The following DNAH7 variants were observed in gnomAD, a reference collection of about 807,000 sequenced individuals.
The protein encoded by DNAH7 is dynein axonemal heavy chain 7.
In DNAH7, 397 loss-of-function variants were observed where a neutral mutation model predicts 444.6. The observed-to-expected ratio is 0.89, with a 90% CI of 0.82 to 0.97. The LOEUF (loss-of-function observed/expected upper bound fraction) is 0.97, where lower values mean the gene tolerates loss of function less well. Among genes scored for constraint, DNAH7 ranks in the 50% least tolerant of loss-of-function variants. DNAH7 has a pLI of 0.00. For missense variants in DNAH7, 4,902 were observed against 4,800.8 expected, an observed-to-expected ratio of 1.02 and a Z score of -0.62; for synonymous variants, 1,636 against 1,624.4, an observed-to-expected ratio of 1.01 and a Z score of -0.17.
chr2:195,877,377 G>C (rs2125152724), intron 36 of DNAH7, among the ~76,000 whole-genome samples: 1 of 152,250 alleles, frequency 6.6e-6, no homozygotes, highest in South Asian at 2.1e-4. Context: ...TCTATCACAT[G>C]CACATATGAA....
Position 195,816,860 on chromosome 2 carries a change from C to T in DNAH7, c.9529G>A (p.Ala3177Thr). The T allele has an allele frequency of 3.7e-6, 6 of 1,614,050 alleles. No homozygotes were observed. Among genetic ancestry groups the T allele is most frequent in the Non-Finnish European group, 4.2e-6 (5 of 1,179,986 alleles). The part of the protein sequence containing the change: ...TAIKILSSSK[A>T]LANEISQKQE... ...TTCTGAGAAATCTCATTAGCCAAGG[C>T]CTTGGAGGAAGATAATATCTTAATA... Residue 3177 changes from alanine to threonine, a missense_variant, in exon 51 of 65, where the codon GCC (alanine) becomes ACC (threonine). By Grantham distance (58) the Ala-to-Thr change is moderately conservative. Coordinates refer to ENST00000312428, the MANE Select transcript of DNAH7 (RefSeq NM_018897.3).
intron 12 of DNAH7, among the ~76,000 whole-genome samples, chr2:195,989,007 G>A (rs1375985216): frequency 6.6e-6 from 1 of 152,142 alleles, no homozygotes; most frequent in Non-Finnish European, 1.5e-5. Flanking sequence ...AATTGCAAAT[G>A]ACAGGACTTC....
Position 195,957,549 on chromosome 2 carries a change from G to T in DNAH7, c.2892-102C>A, listed in dbSNP as rs190765840. ...CTAGGTTGTCAATGTTGTATATAAT[G>T]TTATACAATTGTTATACATTATATA... On this transcript the variant is annotated intron_variant, in intron 18 of 64. Transcript: ENST00000312428. 2.5e-5 allele frequency: 19 copies of T among 750,610 alleles called. No individual in the cohort carries two copies. The African/African-American group carries it at 3.8e-4, about 15-fold the overall frequency. 46.5% of individuals were successfully genotyped at this position (750,610 alleles called of 1,614,324 possible).
chr2:195,988,308 C>A, intron 12 of DNAH7, 79 bp from the exon 13 acceptor site: 1 of 1,233,134 alleles, frequency 8.1e-7, no homozygotes. Flanking sequence ...AAACGCCAAT[C>A]TTACAATGTT....
At position 195,990,775 on chromosome 2, in the gene DNAH7, T is replaced by TTGTGTGTGTGTGTGTGTG. The variant is rs140976714; in HGVS notation, c.1354-2564_1354-2547dup. On this transcript the variant is annotated intron_variant, in intron 12 of 64. Transcript: ENST00000312428. ...TGATGTTTAGGTTACTATAGCTTTG[T>TTGTGTGTGTGTGTGTGTG]TGTGTGTGTGTGTGTGTGTGTGTGT... 2.0e-4 allele frequency among the ~76,000 whole-genome samples: 26 copies of TTGTGTGTGTGTGTGTGTG among 132,948 alleles called. 1 individual carries two copies. The highest frequency in any genetic ancestry group is 7.2e-4 in the African/African-American group (25 of 34,704). 87.2% of individuals were successfully genotyped at this position (132,948 alleles called of 152,430 possible). A position where few individuals can be genotyped will look rare whatever the true frequency, so the allele number is the denominator to read the frequency against.
intron 1 of DNAH7, among the ~76,000 whole-genome samples, chr2:196,062,777 T>C (rs1230797392): frequency 1.3e-5 from 2 of 152,260 alleles, no homozygotes; most frequent in Non-Finnish European, 2.9e-5. Flanking sequence ...CCTCCCTTTA[T>C]GCTACAGAAC....
chr2:195,892,151 A>G (rs1702049016), intron 30 of DNAH7, among the ~76,000 whole-genome samples: 1 of 152,222 alleles, frequency 6.6e-6, no homozygotes, highest in African/African-American at 2.4e-5. Flanking sequence ...GGTAAATATT[A>G]TATAGGCTTT....
Position 195,744,268 on chromosome 2 carries a change from A to G in DNAH7, c.11765-3399T>C, listed in dbSNP as rs375139701. 8.5e-5 allele frequency among the ~76,000 whole-genome samples: 13 copies of G among 152,192 alleles called. No homozygotes were observed. The South Asian group carries it at 1.5e-3, about 17-fold the overall frequency. ...ACGGAGTCTCGCTGATTGCTAGCAC[A>G]GCAGTCTGAGATCAAACTGCAAGGC... On this transcript the variant is annotated intron_variant, in intron 63 of 64. Transcript: ENST00000312428.
At chr2:195,909,611 T>G (rs967194998) in intron 25 of DNAH7, among the ~76,000 whole-genome samples, 2 of 152,160 alleles carry the variant, frequency 1.3e-5, no homozygotes, top group Admixed American at 6.5e-5. Flanking sequence ...AAACTTAAGA[T>G]TTCAAGTTCA....
At chr2:195,783,578 G>A (rs1167911109) in intron 58 of DNAH7, among the ~76,000 whole-genome samples, 3 of 151,974 alleles carry the variant, frequency 2.0e-5, no homozygotes, top group East Asian at 1.9e-4. Flanking sequence ...TTAGATTAAC[G>A]GCCCAACCTA....
intron 49 of DNAH7, among the ~76,000 whole-genome samples, chr2:195,822,556 T>C (rs563808447): frequency 6.6e-6 from 1 of 152,290 alleles, no homozygotes; most frequent in East Asian, 1.9e-4. Flanking sequence ...AATTTGTAAA[T>C]GAAAGCAAGT....
intron 47 of DNAH7, among the ~76,000 whole-genome samples, chr2:195,837,750 T>A (rs1454289768): frequency 6.6e-6 from 1 of 152,102 alleles, no homozygotes; most frequent in Non-Finnish European, 1.5e-5. Context: ...AGTGGTGCAG[T>A]TACCCAAAAC....
intron 1 of DNAH7, among the ~76,000 whole-genome samples, chr2:196,066,646 C>A (rs1698444598): frequency 6.6e-6 from 1 of 152,196 alleles, no homozygotes; most frequent in Admixed American, 6.5e-5. Context: ...AAAAGATTTA[C>A]ATTTCTTCTA....
intron 47 of DNAH7, among the ~76,000 whole-genome samples, chr2:195,835,858 A>G (rs1698344526): frequency 1.3e-5 from 2 of 152,208 alleles, no homozygotes; most frequent in African/African-American, 4.8e-5. Flanking sequence ...AAACAAACAA[A>G]AAAACAAACA....
chr2:196,043,152 A>C (rs1297934244), intron 5 of DNAH7, among the ~76,000 whole-genome samples: 2 of 151,932 alleles, frequency 1.3e-5, no homozygotes, highest in Non-Finnish European at 2.9e-5. Context: ...CAACTACAAA[A>C]ATTTGCTAAA....
chr2:196,020,917 G>T (rs892142879), intron 8 of DNAH7, among the ~76,000 whole-genome samples: 10 of 151,836 alleles, frequency 6.6e-5, no homozygotes, highest in African/African-American at 2.4e-4. Flanking sequence ...TGGCCTTTGG[G>T]GCATTTTAAA....
Position 196,028,039 on chromosome 2 carries a change from T to A in DNAH7, c.407A>T (p.Asp136Val). The A allele has an allele frequency of 6.2e-7, 1 of 1,606,612 alleles. No individual in the cohort carries two copies. Among genetic ancestry groups the A allele is most frequent in the Non-Finnish European group, 8.5e-7 (1 of 1,176,280 alleles). ...AGGGACAGCTGAGTCTAAGTCAGCA[T>A]CTTGTTGCCTAAGAAAATGATAAAC... ...STLVNVIMQQ[D>V]ADLDSAVPDG... is the part of the protein sequence containing the mutation. Residue 136 changes from aspartate (D) to valine (V), a missense_variant, in exon 6 of 65, where the codon GAT (aspartate) becomes GTT (valine). By Grantham distance (152) the Asp-to-Val change is radical. Coordinates refer to ENST00000312428, the MANE Select transcript of DNAH7 (RefSeq NM_018897.3).
chr2:195,964,362 T>C (rs1691318635), intron 17 of DNAH7, among the ~76,000 whole-genome samples: 1 of 152,166 alleles, frequency 6.6e-6, no homozygotes, highest in Admixed American at 6.5e-5. Context: ...GTGGCTTCTT[T>C]GGCTAAATTA....
chr2:195,966,477 C>A (rs1036940318), intron 17 of DNAH7, among the ~76,000 whole-genome samples: 2 of 152,162 alleles, frequency 1.3e-5, no homozygotes, highest in African/African-American at 4.8e-5. Flanking sequence ...TGGTCTACAG[C>A]ATAGATTAAA....
Sources: allele counts gnomAD v4.1 joint callset (sites outside exome capture counted in the v4.1 genomes callset), GRCh38; gene constraint gnomAD v4.1.1; transcripts MANE v1.5; gene names NCBI Gene and HGNC (gene_info 2026-07-23, HGNC 2026-07-21).